Variants in CYP2J2 observed in about 807,000 individuals in gnomAD.
CYP2J2 encodes cytochrome P450 2J2.
CYP2J2 carries 41 observed loss-of-function variants against 48.8 expected under a neutral mutation model. The ratio of observed to expected loss-of-function variants is 0.84; its 90% CI spans 0.66 to 1.09. The LOEUF (loss-of-function observed/expected upper bound fraction) is 1.09. Among genes scored for constraint, CYP2J2 ranks in the 50% least tolerant of loss-of-function variants. The pLI is 0.00. For missense variants in CYP2J2, 644 were observed against 617.3 expected, an observed-to-expected ratio of 1.04 and a Z score of -0.46; for synonymous variants, 221 against 227.1, an observed-to-expected ratio of 0.97 and a Z score of 0.24.
chr1:59,896,641 T>C (rs1466276386), intron 8 of CYP2J2, among the ~76,000 whole-genome samples: 1 of 152,048 alleles, frequency 6.6e-6, no homozygotes, highest in Admixed American at 6.6e-5. Context: ...CCCTCCCCTA[T>C]GTGAATGTCC....
chr1:59,923,409 A>G lies in CYP2J2; in HGVS notation c.210+3128T>C, dbSNP rs962607612. On this transcript the variant is annotated intron_variant, in intron 1 of 8. Coordinates refer to ENST00000371204, the MANE Select transcript of CYP2J2 (RefSeq NM_000775.4). Reference sequence around the variant, plus strand: ...AACAAATATATAAAATGTCCAGGATATAGTCCATAATTACTCACCTTACCA... The same window carrying G: ...AACAAATATATAAAATGTCCAGGATGTAGTCCATAATTACTCACCTTACCA... Among the ~76,000 whole-genome samples, 14 of 152,268 alleles carry G rather than the reference A, an allele frequency of 9.2e-5. 1 individual carries two copies. The highest frequency in any genetic ancestry group is 7.8e-4 in the Admixed American group (12 of 15,290).
the CYP2J2 span, among the ~76,000 whole-genome samples, chr1:59,958,920 C>T: frequency 6.6e-6 from 1 of 152,088 alleles, no homozygotes; most frequent in Non-Finnish European, 1.5e-5. Flanking sequence ...TCCTTGATTG[C>T]CTCAATACTT....
At chr1:59,916,224 C>CGTGTGT (rs147421653) in intron 1 of CYP2J2, 124 bp from the exon 2 acceptor site, 195 of 601,904 alleles carry the variant, frequency 3.2e-4, no homozygotes, top group Middle Eastern at 1.9e-3. Flanking sequence ...TGTGTGTGTA[C>CGTGTGT]GTGTGTGTGT....
chr1:59,927,572 G>A (rs1005050117), upstream of CYP2J2, among the ~76,000 whole-genome samples: 7 of 152,028 alleles, frequency 4.6e-5, no homozygotes, highest in African/African-American at 1.2e-4. Context: ...CACATATTCT[G>A]CTTACAATAT....
the CYP2J2 span, among the ~76,000 whole-genome samples, chr1:59,951,084 G>A: frequency 6.6e-6 from 1 of 152,268 alleles, no homozygotes; most frequent in Non-Finnish European, 1.5e-5. Context: ...AGCATGGGAG[G>A]AATTGTGGCC....
At chr1:59,931,488 C>G (rs989502496), upstream of CYP2J2, among the ~76,000 whole-genome samples, 8 of 151,874 alleles carry the variant, frequency 5.3e-5, no homozygotes, top group African/African-American at 1.9e-4. Flanking sequence ...TAAATTAAAG[C>G]ACACACATGG....
the CYP2J2 span, among the ~76,000 whole-genome samples, chr1:59,963,413 T>A: frequency 6.6e-6 from 1 of 152,216 alleles, no homozygotes; most frequent in Non-Finnish European, 1.5e-5. Context: ...AAAATTTGCC[T>A]ATTTTAGATA....
In CYP2J2 at chr1:59,905,006, G is replaced by A; in HGVS notation, c.1056C>T (p.Ser352=). The A allele has an allele frequency of 6.2e-7, 1 of 1,613,952 alleles. No homozygotes were observed. Among genetic ancestry groups the A allele is most frequent in the Non-Finnish European group, 8.5e-7 (1 of 1,179,954 alleles). ...AGGGCATGGACTCCCGGGCGGCTGTGCTCGGCTGCTGCCCCTGGCCAATCA... is the reference window on the plus strand; with the variant it reads ...AGGGCATGGACTCCCGGGCGGCTGTACTCGGCTGCTGCCCCTGGCCAATCA... ...DRVIGQGQQP[S]TAARESMPYT... The change falls in exon 7 of 9, where the codon AGC becomes AGT. Residue 352 remains serine (S), a synonymous_variant. Transcript: ENST00000371204.
the CYP2J2 span, among the ~76,000 whole-genome samples, chr1:59,963,691 A>G: frequency 1.3e-5 from 2 of 152,198 alleles, no homozygotes; most frequent in Admixed American, 6.5e-5. Flanking sequence ...CTGAGACACC[A>G]TCTTGAAATA....
At chr1:59,912,384 G>A in intron 2 of CYP2J2, 73 bp from the exon 3 acceptor site, 2 of 1,486,282 alleles carry the variant, frequency 1.3e-6, no homozygotes, top group Non-Finnish European at 9.2e-7. Flanking sequence ...ATATGGGAAT[G>A]TGTATCAGAT....
At chr1:59,942,008 C>T in the CYP2J2 span, among the ~76,000 whole-genome samples, 1,200 of 152,264 alleles carry the variant, frequency 7.9e-3, 17 homozygotes, top group African/African-American at 0.027. Context: ...CACTGACTCA[C>T]CCAGAACAAC....
At chr1:59,918,931 G>C (rs1467999983) in intron 1 of CYP2J2, among the ~76,000 whole-genome samples, 1 of 152,094 alleles carries the variant, frequency 6.6e-6, no homozygotes, top group Admixed American at 6.5e-5. Flanking sequence ...AGGATTAGTG[G>C]GAGAAGAGAC....
intron 1 of CYP2J2, among the ~76,000 whole-genome samples, chr1:59,917,248 G>A (rs925592600): frequency 2.0e-5 from 3 of 152,134 alleles, no homozygotes; most frequent in Non-Finnish European, 4.4e-5. Flanking sequence ...GAGTCTCCGA[G>A]GAATGAAAGA....
At chr1:59,946,616 A>G in the CYP2J2 span, among the ~76,000 whole-genome samples, 18,776 of 152,184 alleles carry the variant, frequency 0.12, 1,566 homozygotes, top group African/African-American at 0.24. Context: ...TTGTTGACTG[A>G]GTCAAGAGAC....
At chr1:59,929,035 C>A (rs1271221092), upstream of CYP2J2, among the ~76,000 whole-genome samples, 2 of 152,204 alleles carry the variant, frequency 1.3e-5, no homozygotes, top group Non-Finnish European at 2.9e-5. Context: ...GTAGAGCAAT[C>A]AGCTGGAAGT....
the CYP2J2 span, among the ~76,000 whole-genome samples, chr1:59,964,697 G>A: frequency 3.3e-3 from 506 of 152,292 alleles, 1 homozygote; most frequent in African/African-American, 0.012. Flanking sequence ...CATTTTAAAA[G>A]TTCACAGTCT....
chr1:59,955,142 A>AAAATAAATAAATAAATAAAT, the CYP2J2 span, among the ~76,000 whole-genome samples: 4 of 145,780 alleles, frequency 2.7e-5, no homozygotes, highest in Admixed American at 1.4e-4. Context: ...CTCCAAAATT[A>AAAATAAATAAATAAATAAAT]AAATAAATAA....
the CYP2J2 span, among the ~76,000 whole-genome samples, chr1:59,934,541 C>A: frequency 3.3e-5 from 5 of 151,924 alleles, no homozygotes; most frequent in Admixed American, 6.6e-5. Context: ...TTTAAATGGG[C>A]AAATGACTTG....
intron 8 of CYP2J2, 121 bp from the exon 9 acceptor site, chr1:59,893,950 G>C (rs1644247198): frequency 2.2e-6 from 2 of 890,086 alleles, no homozygotes; most frequent in South Asian, 4.1e-5. Context: ...TAGGCCCCAG[G>C]GTGTTATGGC....
Sources: allele counts gnomAD v4.1 joint callset (sites outside exome capture counted in the v4.1 genomes callset), GRCh38; gene constraint gnomAD v4.1.1; transcripts MANE v1.5; gene names NCBI Gene and HGNC (gene_info 2026-07-23, HGNC 2026-07-21).